Variants in LHPP observed in about 807,000 individuals in gnomAD.
The protein encoded by LHPP is phospholysine phosphohistidine inorganic pyrophosphate phosphatase, also known as hLHPP.
A neutral mutation model predicts 30.3 loss-of-function variants in LHPP; 24 were observed. The observed-to-expected ratio is 0.79, with a 90% CI of 0.57 to 1.11. LHPP has a LOEUF of 1.11. Ranked by LOEUF, LHPP falls within the 50% of genes most tolerant of loss-of-function variation. The probability of loss-of-function intolerance (pLI) is 0.00; values close to 1 mark genes in which losing one functional copy is unlikely to be tolerated. For missense variants in LHPP, 356 were observed against 367.2 expected (o/e 0.97, Z 0.25); for synonymous variants, 150 against 157.1 (o/e 0.95, Z 0.34).
chr10:124,476,689 T>C (rs1952958405), intron 1 of LHPP, among the ~76,000 whole-genome samples: 1 of 152,216 alleles, frequency 6.6e-6, no homozygotes, highest in African/African-American at 2.4e-5. Context: ...CCGGGGCATA[T>C]GTGAATAACT....
intron 6 of LHPP, among the ~76,000 whole-genome samples, chr10:124,551,401 A>G (rs556554184): frequency 4.9e-4 from 75 of 152,200 alleles, no homozygotes; most frequent in South Asian, 2.9e-3. Flanking sequence ...CACTGACCCC[A>G]GCACCCCTTC....
In LHPP at chr10:124,517,228, C is replaced by G; in HGVS notation, c.673C>G (p.Arg225Gly). The G allele has an allele frequency of 6.2e-7, 1 of 1,605,510 alleles. No individual in the cohort carries two copies. The highest frequency in any genetic ancestry group is 1.1e-5 in the South Asian group (1 of 89,566). Residue 225 changes from arginine (R) to glycine (G), a missense_variant, in exon 6 of 7, where the codon CGG (arginine) becomes GGG (glycine). Transcript: ENST00000368842. The surrounding 1 kb of genome is among the most constrained non-coding windows in gnomAD (Gnocchi z 4.1). ...DIVGDVGGAQ[R>G]CGMRALQVRT... The stretch of plus-strand genomic sequence containing the variant: ...CGTGGGCGACGTCGGCGGTGCCCAG[C>G]GGTGTGGAATGAGAGCGCTGCAGGT...
chr10:124,472,069 T>C lies in LHPP; in HGVS notation c.125+10082T>C, dbSNP rs912105945. 2.0e-5 allele frequency among the ~76,000 whole-genome samples: 3 copies of C among 152,194 alleles called. No homozygotes were observed. In the South Asian group the frequency reaches 6.2e-4, roughly 32 times the overall value. ...GCTCACGCCTGTAATCCCTGCACTT[T>C]GGGAGGCCAAAGCGGGCAGATCACA... is the stretch of plus-strand genomic sequence containing the variant. On this transcript the variant is annotated intron_variant, in intron 1 of 6. Coordinates refer to ENST00000368842, the MANE Select transcript of LHPP (RefSeq NM_022126.4).
intron 6 of LHPP, among the ~76,000 whole-genome samples, chr10:124,543,804 A>G (rs1211116898): frequency 6.6e-6 from 1 of 152,128 alleles, no homozygotes; most frequent in Non-Finnish European, 1.5e-5. Flanking sequence ...AATATAAGAA[A>G]TGCATGCCTT....
intron 6 of LHPP, among the ~76,000 whole-genome samples, chr10:124,532,370 T>C (rs1208845754): frequency 6.6e-6 from 1 of 152,212 alleles, no homozygotes; most frequent in African/African-American, 2.4e-5. Flanking sequence ...GGTATGCAGG[T>C]GTGACACACA....
intron 6 of LHPP, among the ~76,000 whole-genome samples, chr10:124,537,944 A>T (rs1045672040): frequency 2.0e-5 from 3 of 152,232 alleles, no homozygotes; most frequent in Admixed American, 6.5e-5. Context: ...CATGGTGGAC[A>T]GGAGACCTTC....
intron 6 of LHPP, among the ~76,000 whole-genome samples, chr10:124,531,899 G>T (rs1380357051): frequency 6.6e-6 from 1 of 152,188 alleles, no homozygotes; most frequent in Non-Finnish European, 1.5e-5. Context: ...TTTCTATGAT[G>T]GTCGCCAAAT....
chr10:124,546,511 T>C (rs1955346176), intron 6 of LHPP, among the ~76,000 whole-genome samples: 1 of 152,214 alleles, frequency 6.6e-6, no homozygotes, highest in Admixed American at 6.5e-5. Flanking sequence ...CACACCATTC[T>C]CCTGCCTCAC....
chr10:124,465,064 G>T (rs1026933667), intron 1 of LHPP, among the ~76,000 whole-genome samples: 2 of 152,188 alleles, frequency 1.3e-5, no homozygotes. Context: ...GGCCTAAGGG[G>T]TGTGAAGACG....
chr10:124,476,677 C>T (rs1952957735), intron 1 of LHPP, among the ~76,000 whole-genome samples: 1 of 152,190 alleles, frequency 6.6e-6, no homozygotes, highest in Admixed American at 6.5e-5. Flanking sequence ...GTGTGGGCGT[C>T]CCCGGGGCAT....
intron 1 of LHPP, among the ~76,000 whole-genome samples, chr10:124,471,352 A>G (rs569792683): frequency 7.1e-6 from 1 of 141,554 alleles, no homozygotes; most frequent in South Asian, 2.1e-4. Flanking sequence ...CAGAGCACTT[A>G]TCCAACCAAA....
At chr10:124,464,103 C>T (rs957941298) in intron 1 of LHPP, among the ~76,000 whole-genome samples, 1 of 152,180 alleles carries the variant, frequency 6.6e-6, no homozygotes, top group African/African-American at 2.4e-5. Context: ...GAGGTGTGAG[C>T]CACTGTGGCC....
In LHPP at chr10:124,576,296, A is replaced by G. The variant is rs985343317; in HGVS notation, c.717-36968A>G. Among the ~76,000 whole-genome samples the G allele has an allele frequency of 6.6e-6, 1 of 152,136 alleles. No homozygotes were observed. Among genetic ancestry groups the G allele is most frequent in the African/African-American group, 2.4e-5 (1 of 41,416 alleles). ...CCATTACCAACCCGGCAGAACATAA[A>G]GTACTAGTGTGGGGTATGAGGCAGC... On this transcript the variant is annotated intron_variant, in intron 6 of 6. Transcript: ENST00000368842. This position sits in a 1 kb window ranked among gnomAD's most constrained non-coding sequence, Gnocchi z 4.2.
chr10:124,502,787 C>T (rs759562689), intron 5 of LHPP, among the ~76,000 whole-genome samples: 2 of 150,070 alleles, frequency 1.3e-5, no homozygotes, highest in African/African-American at 2.5e-5. Context: ...AGTGATTCTC[C>T]TGCCTCAGCC....
At chr10:124,475,461 A>C (rs999446043) in intron 1 of LHPP, among the ~76,000 whole-genome samples, 1 of 151,782 alleles carries the variant, frequency 6.6e-6, no homozygotes, top group African/African-American at 2.4e-5. Flanking sequence ...GGATCACTTG[A>C]ACCTGGGAGG....
In LHPP at chr10:124,613,432, C is replaced by A; in HGVS notation, c.*72C>A. 1 of 1,020,598 alleles carries A rather than the reference C, an allele frequency of 9.8e-7. No individual in the cohort carries two copies. Among genetic ancestry groups the A allele is most frequent in the South Asian group, 1.3e-5 (1 of 76,360 alleles). 63.2% of individuals were successfully genotyped at this position (1,020,598 alleles called of 1,614,324 possible). On this transcript the variant is annotated 3_prime_UTR_variant, in exon 7 of 7. Transcript: ENST00000368842. The stretch of plus-strand genomic sequence containing the variant: ...ACCCCTGCCTCCCCTCCACCCCTGC[C>A]TCTCCTCCACCCGCCCAGGAGAGCC...
rs201360925 is a variant in LHPP, at chr10:124,484,184, G to A, written c.171G>A (p.Ser57=). The A allele has an allele frequency of 1.1e-4, 176 of 1,614,112 alleles. No homozygotes were observed. Among genetic ancestry groups the A allele is most frequent in the South Asian group, 8.5e-4 (77 of 91,076 alleles). The change falls in exon 2 of 7, where the codon TCG becomes TCA. Residue 57 remains serine, a synonymous_variant. Coordinates refer to ENST00000368842, the MANE Select transcript of LHPP (RefSeq NM_022126.4). ...RLKVRFCTNE[S]QKSRAELVGQ... is the part of the protein sequence containing the mutation. ...AGGTGAGGTTCTGCACCAACGAGTC[G>A]CAGAAGTCCCGGGCAGAGCTGGTGG...
At position 124,488,427 on chromosome 10, in the gene LHPP, C is replaced by A. The variant is rs774113542; in HGVS notation, c.319C>A (p.Arg107Ser). The change falls in exon 3 of 7, where the codon CGC becomes AGC. Residue 107 changes from arginine to serine, a missense_variant. Coordinates refer to ENST00000368842, the MANE Select transcript of LHPP (RefSeq NM_022126.4). ...GTCTCTCTCTCTCTTTCCAGGAGTC[C>A]GCTCAGAATTTGATCAGATCGACAC... ...RPYLLIHDGV[R>S]SEFDQIDTSN... 1.2e-6 allele frequency: 2 copies of A among 1,613,720 alleles called. No individual in the cohort carries two copies. The highest frequency in any genetic ancestry group is 1.7e-6 in the Non-Finnish European group (2 of 1,179,932).
Position 124,593,679 on chromosome 10 carries a change from G to A in LHPP, c.717-19585G>A, listed in dbSNP as rs1033018264. ...TCCAGAGGGTGGTGGACCCAAACGC[G>A]ACGTCCCCAGTGGCGGTGGCTGAGG... is the stretch of plus-strand genomic sequence containing the variant. On this transcript the variant is annotated intron_variant, in intron 6 of 6. Transcript: ENST00000368842. The surrounding 1 kb of genome is among the most constrained non-coding windows in gnomAD (Gnocchi z 4.9). Among the ~76,000 whole-genome samples the A allele has an allele frequency of 2.0e-5, 3 of 152,246 alleles. No homozygotes were observed. Among genetic ancestry groups the A allele is most frequent in the African/African-American group, 4.8e-5 (2 of 41,468 alleles).
Sources: gnomAD v4.1 joint callset for allele counts (sites outside exome capture counted in the v4.1 genomes callset) on GRCh38, gnomAD v4.1.1 for gene constraint, Gnocchi (gnomAD v3.1) non-coding constraint, MANE v1.5 for transcripts, NCBI Gene and HGNC (gene_info 2026-07-23, HGNC 2026-07-21) for gene names.